NUDT3: variants seen among roughly 807,000 people sequenced by gnomAD.
The protein encoded by NUDT3 is nudix hydrolase 3.
A neutral mutation model predicts 23.6 loss-of-function variants in NUDT3; 9 were observed. The ratio of observed to expected loss-of-function variants is 0.38; its 90% CI spans 0.23 to 0.66. The LOEUF is 0.66. Among genes scored for constraint, NUDT3 ranks in the 30% least tolerant of loss-of-function variants. The pLI is 0.52. For missense variants in NUDT3, 172 were observed against 218.5 expected (o/e 0.79, Z 1.34); for synonymous variants, 86 against 82.6 (o/e 1.04, Z -0.22).
At chr6:34,336,994 ATC>A (rs1187703928) in intron 2 of NUDT3, among the ~76,000 whole-genome samples, 1 of 152,214 alleles carries the variant, frequency 6.6e-6, no homozygotes, top group East Asian at 1.9e-4. Context: ...AAAAACATCT[ATC>A]AACATTTCAA....
chr6:34,363,439 G>T (rs1764679283), intron 1 of NUDT3, among the ~76,000 whole-genome samples: 1 of 152,184 alleles, frequency 6.6e-6, no homozygotes, highest in African/African-American at 2.4e-5. Flanking sequence ...ATCCACCGCA[G>T]CACTGAAAAA....
chr6:34,392,200 T>G (rs1194299100), intron 1 of NUDT3, 64 bp downstream of exon 1: 22 of 1,366,904 alleles, frequency 1.6e-5, no homozygotes, highest in Non-Finnish European at 2.2e-5. Context: ...GCCGCGCCCC[T>G]CGCGCCTCCA....
In NUDT3 at chr6:34,392,374, G is replaced by A. The variant is rs765283432; in HGVS notation, c.-12C>T. The A allele has an allele frequency of 1.9e-6, 3 of 1,594,712 alleles. No homozygotes were observed. Among genetic ancestry groups the A allele is most frequent in the East Asian group, 2.3e-5 (1 of 42,946 alleles). On this transcript the variant is annotated 5_prime_UTR_variant, in exon 1 of 5. Coordinates refer to ENST00000607016, the MANE Select transcript of NUDT3 (RefSeq NM_006703.4). Reference sequence around the variant, plus strand: ...TTGAGCTTCATCATCCTCCGGGCCCGGGTGGGGGTGCGGTGCGGGTCGCAG... The same window carrying A: ...TTGAGCTTCATCATCCTCCGGGCCCAGGTGGGGGTGCGGTGCGGGTCGCAG...
At chr6:34,297,428 C>T (rs1038991964) in intron 2 of NUDT3, among the ~76,000 whole-genome samples, 73 of 152,126 alleles carry the variant, frequency 4.8e-4, no homozygotes, top group African/African-American at 1.7e-3. Context: ...AGCCTGAACA[C>T]ACTCTGCTCA....
At chr6:34,302,732 TCAAAAAAACAAAACAAAAAA>T (rs2113702510) in intron 2 of NUDT3, among the ~76,000 whole-genome samples, 1 of 152,218 alleles carries the variant, frequency 6.6e-6, no homozygotes, top group East Asian at 1.9e-4. Flanking sequence ...AGACTCCGTC[TCAAAAAAACAAAACAAAAAA>T]CAAAAAAACA....
intron 1 of NUDT3, among the ~76,000 whole-genome samples, chr6:34,384,295 G>A (rs1765069678): frequency 6.6e-6 from 1 of 152,180 alleles, no homozygotes; most frequent in Admixed American, 6.5e-5. Flanking sequence ...TAGTGGAAAA[G>A]TACAACAAAC....
Position 34,290,189 on chromosome 6 carries a change from A to G in NUDT3, c.341-1258T>C, listed in dbSNP as rs148759382. Among the ~76,000 whole-genome samples the G allele has an allele frequency of 3.3e-5, 5 of 151,704 alleles. No individual in the cohort carries two copies. The East Asian group carries it at 9.7e-4, about 29-fold the overall frequency. ...GAATGTGCTGCTGAATTTGCTTTTT[A>G]ATTTTTGTTACTGGTTTTTACTTCA... On this transcript the variant is annotated intron_variant, in intron 4 of 4. Transcript: ENST00000607016.
chr6:34,365,987 G>A (rs990243086), intron 1 of NUDT3, among the ~76,000 whole-genome samples: 12 of 151,996 alleles, frequency 7.9e-5, no homozygotes, highest in Admixed American at 5.2e-4. Flanking sequence ...GTTGCAGTGA[G>A]CCAAGATTGC....
intron 1 of NUDT3, among the ~76,000 whole-genome samples, chr6:34,367,680 CA>C (rs1764759175): frequency 6.6e-6 from 1 of 152,118 alleles, no homozygotes; most frequent in Non-Finnish European, 1.5e-5. Flanking sequence ...GGCAACTTTC[CA>C]ATGCACTTAT....
At chr6:34,348,481 C>CA (rs1484561427) in intron 1 of NUDT3, among the ~76,000 whole-genome samples, 1 of 151,130 alleles carries the variant, frequency 6.6e-6, no homozygotes. Context: ...GACCCTGTCT[C>CA]AAAAAAAAGA....
At chr6:34,289,073 A>C (rs1466516080) in intron 4 of NUDT3, 142 bp from the exon 5 acceptor site, 4 of 1,042,546 alleles carry the variant, frequency 3.8e-6, no homozygotes, top group Non-Finnish European at 5.3e-6. Context: ...CACACTTCAT[A>C]TGCTTCAAAT....
At chr6:34,353,686 G>A (rs74747483) in intron 1 of NUDT3, among the ~76,000 whole-genome samples, 14,478 of 151,928 alleles carry the variant, frequency 0.095, 797 homozygotes, top group Non-Finnish European at 0.12. Flanking sequence ...TTACAGGCAT[G>A]AGCCACACCC....
At chr6:34,319,639 T>C (rs1232550247) in intron 2 of NUDT3, among the ~76,000 whole-genome samples, 1 of 152,172 alleles carries the variant, frequency 6.6e-6, no homozygotes, top group Non-Finnish European at 1.5e-5. Context: ...TGGACAACCA[T>C]GTTGAAATGT....
Position 34,284,461 on chromosome 6 carries a change from G to A in NUDT3, c.*4292C>T, listed in dbSNP as rs778920331. The A allele has an allele frequency of 2.0e-5, 3 of 151,078 alleles. No individual in the cohort carries two copies. Among genetic ancestry groups the A allele is most frequent in the Non-Finnish European group, 4.4e-5 (3 of 67,946 alleles). The allele number at this position is 151,078 out of a possible 1,614,324, so 9.4% of individuals were successfully genotyped here. On this transcript the variant is annotated 3_prime_UTR_variant, in exon 5 of 5. Coordinates refer to ENST00000607016, the MANE Select transcript of NUDT3 (RefSeq NM_006703.4). ...AGAATATTAAAATCACACAGTTGTG[G>A]CAAAAATCACATTGTGGCTATTAAA...
chr6:34,363,254 G>C (rs1214975449), intron 1 of NUDT3, among the ~76,000 whole-genome samples: 1 of 152,094 alleles, frequency 6.6e-6, no homozygotes, highest in Non-Finnish European at 1.5e-5. Flanking sequence ...GCAGAGCTTG[G>C]GGGTCCTCCA....
intron 1 of NUDT3, among the ~76,000 whole-genome samples, chr6:34,386,308 TG>T (rs1765106057): frequency 6.6e-6 from 1 of 152,218 alleles, no homozygotes; most frequent in Admixed American, 6.5e-5. Context: ...ACTTTTTAAG[TG>T]GGAAGTTTTT....
At chr6:34,293,631 C>T in intron 3 of NUDT3, 96 bp from the exon 4 acceptor site, 2 of 1,403,766 alleles carry the variant, frequency 1.4e-6, no homozygotes, top group Admixed American at 4.0e-5. Flanking sequence ...CCAGAGAGCT[C>T]AGACACAAAG....
rs898592789 is a variant in NUDT3, at chr6:34,299,526, G to C, written c.211-3841C>G. Among the ~76,000 whole-genome samples the C allele has an allele frequency of 1.3e-5, 2 of 151,948 alleles. 1 individual carries two copies. Among genetic ancestry groups the C allele is most frequent in the Admixed American group, 1.3e-4 (2 of 15,264 alleles). On this transcript the variant is annotated intron_variant, in intron 2 of 4. Coordinates refer to ENST00000607016, the MANE Select transcript of NUDT3 (RefSeq NM_006703.4). ...TGCAGCCTTGAACTCCTGGGCTCAA[G>C]TGATCCTCCTGTCTTAGCCTCCCAA...
chr6:34,332,435 G>C (rs1764142005), intron 2 of NUDT3, among the ~76,000 whole-genome samples: 1 of 152,120 alleles, frequency 6.6e-6, no homozygotes, highest in Non-Finnish European at 1.5e-5. Flanking sequence ...TGCTGTCTCA[G>C]GGGCCACCTC....
Sources: allele counts gnomAD v4.1 joint callset (sites outside exome capture counted in the v4.1 genomes callset), GRCh38; gene constraint gnomAD v4.1.1; transcripts MANE v1.5; gene names NCBI Gene and HGNC (gene_info 2026-07-23, HGNC 2026-07-21).